DLST: variants seen among roughly 807,000 people sequenced by gnomAD.
The protein encoded by DLST is dihydrolipoamide S-succinyltransferase.
A neutral mutation model predicts 53.1 loss-of-function variants in DLST; 17 were observed. The ratio of observed to expected loss-of-function variants is 0.32; its 90% CI spans 0.22 to 0.48. DLST has a LOEUF of 0.48. DLST is among the 20% of genes least tolerant of loss of function. The pLI, the probability that DLST is intolerant of heterozygous loss-of-function variation, is 0.99. For missense variants in DLST, 512 were observed against 583.9 expected, an observed-to-expected ratio of 0.88 and a Z score of 1.27; for synonymous variants, 206 against 204.8, an observed-to-expected ratio of 1.01 and a Z score of -0.05.
chr14:74,888,274 G>GTT (rs55729619), intron 3 of DLST, among the ~76,000 whole-genome samples: 56 of 131,712 alleles, frequency 4.3e-4, no homozygotes, highest in Admixed American at 1.6e-3. Context: ...TTGTTTTTGG[G>GTT]TTTTTTTTTT....
At position 74,892,871 on chromosome 14, in the gene DLST, T is replaced by A; in HGVS notation, c.480T>A (p.Ala160=). Reference sequence around the variant, plus strand: ...AGGCCAAGCCGGCTGAAGCTCCTGCTGCTGCAGCCCCAAAAGCAGAACCTA... The same window carrying A: ...AGGCCAAGCCGGCTGAAGCTCCTGCAGCTGCAGCCCCAAAAGCAGAACCTA... ...PAKAKPAEAP[A]AAAPKAEPTA... is the part of the protein sequence containing the mutation. Residue 160 remains alanine, a synonymous_variant, in exon 8 of 15, where the codon GCT becomes GCA. Coordinates refer to ENST00000334220, the MANE Select transcript of DLST (RefSeq NM_001933.5). The A allele has an allele frequency of 1.9e-6, 3 of 1,613,918 alleles. No individual in the cohort carries two copies. Among genetic ancestry groups the A allele is most frequent in the Non-Finnish European group, 2.5e-6 (3 of 1,179,960 alleles).
chr14:74,901,378 A>G, intron 14 of DLST, 145 bp downstream of exon 14: 1 of 807,668 alleles, frequency 1.2e-6, no homozygotes, highest in Non-Finnish European at 1.9e-6. Flanking sequence ...TGATTATCAA[A>G]TTGTGGTCTG....
At chr14:74,888,421 G>A (rs865776828) in intron 3 of DLST, among the ~76,000 whole-genome samples, 1 of 152,026 alleles carries the variant, frequency 6.6e-6, no homozygotes, top group Admixed American at 6.6e-5. Flanking sequence ...TGGGCAGGCC[G>A]TAAATCTATC....
intron 10 of DLST, among the ~76,000 whole-genome samples, chr14:74,895,277 AC>A (rs2140198179): frequency 6.6e-6 from 1 of 152,310 alleles, no homozygotes; most frequent in Admixed American, 6.5e-5. Context: ...TTTTTAAATA[AC>A]CTTAGAATGT....
rs113529667 is a variant in DLST at position 74,888,189 on chromosome 14, A to G, written c.147-906A>G. On this transcript the variant is annotated intron_variant, in intron 3 of 14. Coordinates refer to ENST00000334220, the MANE Select transcript of DLST (RefSeq NM_001933.5). ...TTTGAGGTTCGTTTTGAATGAATCCAGAATGTGTTGATGTGCTGTTTTCTA... is the reference window on the plus strand; with the variant it reads ...TTTGAGGTTCGTTTTGAATGAATCCGGAATGTGTTGATGTGCTGTTTTCTA... 1.1e-3 allele frequency among the ~76,000 whole-genome samples: 171 copies of G among 152,186 alleles called. 1 individual carries two copies. The highest frequency in any genetic ancestry group is 4.0e-3 in the African/African-American group (167 of 41,528).
Position 74,899,979 on chromosome 14 carries a change from G to A in DLST, c.958G>A (p.Ala320Thr). The change falls in exon 12 of 15, where the codon GCA (alanine) becomes ACA (threonine). Residue 320 changes from alanine (A) to threonine (T), a missense_variant. Physicochemically the swap from Ala to Thr is moderately conservative, Grantham distance 58. Transcript: ENST00000334220. ...TAGGGATTATATTGACATCAGTGTTGCAGTGGCCACCCCACGGGTATGTTG... is the reference window on the plus strand; with the variant it reads ...TAGGGATTATATTGACATCAGTGTTACAGTGGCCACCCCACGGGTATGTTG... The part of the protein sequence containing the change: ...VYRDYIDISV[A>T]VATPRGLVVP... 6.2e-7 allele frequency: 1 copy of A among 1,613,676 alleles called. No individual in the cohort carries two copies. Among genetic ancestry groups the A allele is most frequent in the African/African-American group, 1.3e-5 (1 of 74,898 alleles).
chr14:74,900,140 C>A, intron 12 of DLST, 144 bp downstream of exon 12: 2 of 1,070,802 alleles, frequency 1.9e-6, no homozygotes, highest in Non-Finnish European at 2.8e-6. Context: ...TCTTTTAAAC[C>A]ATGCCGCATT....
chr14:74,881,987 T>A lies in DLST; in HGVS notation c.34T>A (p.Phe12Ile), dbSNP rs1883530097. Residue 12 changes from phenylalanine (F) to isoleucine (I), a missense_variant, in exon 1 of 15, where the codon TTC becomes ATC. By Grantham distance (21) the Phe-to-Ile change is conservative. This residue lies in a region of DLST where 129 missense variants were observed against 90.9 expected (regional missense o/e 1.42). Coordinates refer to ENST00000334220, the MANE Select transcript of DLST (RefSeq NM_001933.5). Reference sequence around the variant, plus strand: ...CCGATCCCGCTGTGTGTCTCGGGCGTTCAGCCGCTCGCTCTCCGCCTTCCA... The same window carrying A: ...CCGATCCCGCTGTGTGTCTCGGGCGATCAGCCGCTCGCTCTCCGCCTTCCA... ...LSRSRCVSRA[F>I]SRSLSAFQKG... is the part of the protein sequence containing the mutation. The A allele has an allele frequency of 6.4e-7, 1 of 1,572,964 alleles. No homozygotes were observed. The highest frequency in any genetic ancestry group is 8.6e-7 in the Non-Finnish European group (1 of 1,167,686).
At chr14:74,885,477 T>C in intron 2 of DLST, 109 bp from the exon 3 acceptor site, 1 of 1,121,178 alleles carries the variant, frequency 8.9e-7, no homozygotes, top group Admixed American at 1.7e-5. Context: ...TCCGTTGCCG[T>C]TGATCCTGCT....
rs770034075 is a variant in DLST, at chr14:74,892,957, C to G, written c.566C>G (p.Ser189Trp). 5 of 1,613,602 alleles carry G rather than the reference C, an allele frequency of 3.1e-6. 1 individual carries two copies. In the South Asian group the frequency reaches 5.5e-5, roughly 18 times the overall value. ...PIPTQMPPVP[S>W]PSQPPSGKPV... ...CCCACTCAGATGCCACCGGTGCCCT[C>G]GCCCTCACAGCCTCCTTCTGGCAAA... is the stretch of plus-strand genomic sequence containing the variant. The change falls in exon 8 of 15, where the codon TCG becomes TGG. Residue 189 changes from serine (S) to tryptophan (W), a missense_variant. Physicochemically the swap from Ser to Trp is radical, Grantham distance 177. Around this residue, in one of 4 missense-constraint regions of DLST, gnomAD observed 162 missense variants for 162.0 expected, o/e 1.00. Transcript: ENST00000334220.
chr14:74,900,991 G>T (rs888125069), intron 13 of DLST, 75 bp from the exon 14 acceptor site: 1 of 1,531,818 alleles, frequency 6.5e-7, no homozygotes, highest in Non-Finnish European at 8.9e-7. Context: ...CTCCCAAAGC[G>T]CTGGGATTAT....
At chr14:74,882,134 C>A in intron 1 of DLST, 118 bp downstream of exon 1, 1 of 926,352 alleles carries the variant, frequency 1.1e-6, no homozygotes, top group Non-Finnish European at 1.4e-6. Flanking sequence ...GGCACTGGGA[C>A]GCGGAGGCCG....
chr14:74,888,848 A>G (rs542578531), intron 3 of DLST, among the ~76,000 whole-genome samples: 1 of 152,316 alleles, frequency 6.6e-6, no homozygotes, highest in South Asian at 2.1e-4. Context: ...GGGCCTGAGC[A>G]TACTTGGGGA....
chr14:74,888,998 T>G, intron 3 of DLST, 97 bp from the exon 4 acceptor site: 2 of 1,249,238 alleles, frequency 1.6e-6, no homozygotes, highest in South Asian at 2.4e-5. Flanking sequence ...TGGTCAAGAG[T>G]CACTGTTTAA....
In DLST at chr14:74,890,981, T is replaced by C. The variant is rs965192178; in HGVS notation, c.331-75T>C. On this transcript the variant is annotated intron_variant, in intron 6 of 14. Transcript: ENST00000334220. ...GCATGAGCCACTGTGCCTGGCTTCA[T>C]TGGAGATTCTATACAGCTAATTTTC... 14 of 1,540,328 alleles carry C rather than the reference T, an allele frequency of 9.1e-6. No individual in the cohort carries two copies. The East Asian group carries it at 1.1e-4, about 13-fold the overall frequency.
intron 3 of DLST, among the ~76,000 whole-genome samples, chr14:74,886,316 A>G (rs1045709750): frequency 5.3e-5 from 8 of 152,308 alleles, no homozygotes; most frequent in African/African-American, 1.9e-4. Context: ...ACTCTACATC[A>G]CAATGAGGGT....
intron 2 of DLST, 128 bp from the exon 3 acceptor site, chr14:74,885,458 A>G (rs1347522041): frequency 1.0e-6 from 1 of 975,234 alleles, no homozygotes; most frequent in African/African-American, 1.6e-5. Flanking sequence ...CTCTATGATA[A>G]AGATTATATC....
chr14:74,898,879 C>T (rs1884155621), intron 11 of DLST, among the ~76,000 whole-genome samples: 1 of 152,240 alleles, frequency 6.6e-6, no homozygotes, highest in Admixed American at 6.5e-5. Context: ...GTGTAGGCTC[C>T]TGGCTGACCT....
chr14:74,891,278 C>T, intron 7 of DLST, 111 bp downstream of exon 7: 2 of 1,529,546 alleles, frequency 1.3e-6, no homozygotes, highest in Non-Finnish European at 1.8e-6. Context: ...ATTCCAGCTG[C>T]CCTTAGTTGA....
Sources: allele counts gnomAD v4.1 joint callset (sites outside exome capture counted in the v4.1 genomes callset), GRCh38; gene constraint gnomAD v4.1.1; regional missense constraint gnomAD v4.1.1; transcripts MANE v1.5; gene names NCBI Gene and HGNC (gene_info 2026-07-23, HGNC 2026-07-21).